ASPM: variants seen among roughly 807,000 people sequenced by gnomAD.
ASPM encodes the protein assembly factor for spindle microtubules.
ASPM carries 256 observed loss-of-function variants against 366.4 expected under a neutral mutation model. That is an observed-to-expected ratio of 0.70 (90% confidence interval 0.63 to 0.77). ASPM has a LOEUF of 0.77. ASPM is among the 30% of genes least tolerant of loss of function. The pLI is 0.00. For missense variants in ASPM, 4,146 were observed against 4,090.4 expected, an observed-to-expected ratio of 1.01 and a Z score of -0.37; for synonymous variants, 1,414 against 1,342.9, an observed-to-expected ratio of 1.05 and a Z score of -1.16.
chr1:197,091,895 G>A lies in ASPM; in HGVS notation c.9444+12C>T. On this transcript the variant is annotated intron_variant, in intron 22 of 27. Transcript: ENST00000367409. ...TTATATCATATAGTTTTACTGCAAA[G>A]AAGAAGCAAACCTGAATACAGATGA... The A allele has an allele frequency of 6.2e-7, 1 of 1,608,548 alleles. No homozygotes were observed. The highest frequency in any genetic ancestry group is 8.5e-7 in the Non-Finnish European group (1 of 1,177,602).
intron 16 of ASPM, among the ~76,000 whole-genome samples, chr1:197,121,702 G>T (rs1657908599): frequency 6.6e-6 from 1 of 152,162 alleles, no homozygotes; most frequent in Non-Finnish European, 1.5e-5. Context: ...AGGTGAAGGG[G>T]TGGACAGACT....
intron 26 of ASPM, 78 bp from the exon 27 acceptor site, chr1:197,087,050 A>G: frequency 7.5e-7 from 1 of 1,336,248 alleles, no homozygotes; most frequent in South Asian, 1.3e-5. Flanking sequence ...AAAATCAAAT[A>G]TAATAAAAAC....
chr1:197,142,280 AAGTATCCCCTTTACAGGT>A (rs757264176), intron 3 of ASPM, 33 bp downstream of exon 3: 6 of 1,577,568 alleles, frequency 3.8e-6, no homozygotes, highest in Non-Finnish European at 5.2e-6. Context: ...AACCAAAAGG[AAGTATCCCCTTTACAGGT>A]ATACTTCAGT....
chr1:197,127,187 G>A (rs768746757), intron 10 of ASPM, among the ~76,000 whole-genome samples: 3 of 152,160 alleles, frequency 2.0e-5, no homozygotes, highest in Non-Finnish European at 2.9e-5. Context: ...ATCTCTAGTC[G>A]AAACAAAGAA....
At chr1:197,099,528 T>C (rs1360635566) in intron 18 of ASPM, among the ~76,000 whole-genome samples, 1 of 151,710 alleles carries the variant, frequency 6.6e-6, no homozygotes, top group East Asian at 1.9e-4. Flanking sequence ...TCTCTGACCA[T>C]GGAGACTAGC....
intron 17 of ASPM, among the ~76,000 whole-genome samples, chr1:197,117,123 C>A (rs1222621700): frequency 6.6e-6 from 1 of 152,018 alleles, no homozygotes; most frequent in Non-Finnish European, 1.5e-5. Context: ...AGAGAACCCT[C>A]ATTTATCAAT....
In ASPM at chr1:197,135,127, A is replaced by G; in HGVS notation, c.2142T>C (p.Asp714=). ...AAATATTTGTTTTTACAGTGAAGTCATCAGGGGTTAATATAAAATTTAACC... is the reference window on the plus strand; with the variant it reads ...AAATATTTGTTTTTACAGTGAAGTCGTCAGGGGTTAATATAAAATTTAACC... The part of the protein sequence containing the change: ...TWWLNFILTP[D]DFTVKTNISE... Residue 714 remains aspartate (D), a synonymous_variant, in exon 5 of 28, where the codon GAT becomes GAC. Coordinates refer to ENST00000367409, the MANE Select transcript of ASPM (RefSeq NM_018136.5). 6.2e-7 allele frequency: 1 copy of G among 1,605,994 alleles called. No homozygotes were observed.
chr1:197,101,732 A>G lies in ASPM; in HGVS notation c.7519T>C (p.Ser2507Pro). Reference sequence around the variant, plus strand: ...CGATAATGTTGCTGAATTAGAATTGAAGCATGTTTCCAAGTCTGAAATGTA... The same window carrying G: ...CGATAATGTTGCTGAATTAGAATTGGAGCATGTTTCCAAGTCTGAAATGTA... ...YITFQTWKHASILIQQHYRTY... is the reference protein window; with the variant it reads ...YITFQTWKHAPILIQQHYRTY... Residue 2507 changes from serine (S) to proline (P), a missense_variant, in exon 18 of 28, where the codon TCA (serine) becomes CCA (proline). Physicochemically the swap from Ser to Pro is moderately conservative, Grantham distance 74. Transcript: ENST00000367409. 1 of 1,612,094 alleles carries G rather than the reference A, an allele frequency of 6.2e-7. No homozygotes were observed. The highest frequency in any genetic ancestry group is 8.5e-7 in the Non-Finnish European group (1 of 1,178,950).
chr1:197,124,241 A>G lies in ASPM; in HGVS notation c.3259T>C (p.Ser1087Pro), dbSNP rs768548104. 4 of 1,608,744 alleles carry G rather than the reference A, an allele frequency of 2.5e-6. No homozygotes were observed. The highest frequency in any genetic ancestry group is 2.6e-6 in the Non-Finnish European group (3 of 1,175,588). Residue 1087 changes from serine (S) to proline (P), a missense_variant, in exon 13 of 28, where the codon TCA (serine) becomes CCA (proline). Ser to Pro is a moderately conservative substitution (Grantham distance 74, BLOSUM62 -1). This residue lies in a region of ASPM where 3,624 missense variants were observed against 3,591.7 expected (regional missense o/e 1.01). Coordinates refer to ENST00000367409, the MANE Select transcript of ASPM (RefSeq NM_018136.5). Reference sequence around the variant, plus strand: ...TTAATAAGATCATCAGAATGGCATGATAGTAGAGATATTGTTTTCTTTATA... The same window carrying G: ...TTAATAAGATCATCAGAATGGCATGGTAGTAGAGATATTGTTTTCTTTATA... ...KSIKKTISLL[S>P]CHSDDLINKK...
At chr1:197,120,695 C>G (rs771945132) in intron 16 of ASPM, among the ~76,000 whole-genome samples, 7 of 152,216 alleles carry the variant, frequency 4.6e-5, no homozygotes, top group Non-Finnish European at 1.0e-4. Flanking sequence ...CTTTTCTGAA[C>G]TCTTCCAATT....
intron 10 of ASPM, among the ~76,000 whole-genome samples, chr1:197,128,026 G>A (rs1281035146): frequency 5.3e-5 from 8 of 151,918 alleles, no homozygotes; most frequent in Admixed American, 1.3e-4. Context: ...TTAGCTGGGC[G>A]TGGTGGTGGG....
chr1:197,099,217 C>A (rs1334561045), intron 18 of ASPM, among the ~76,000 whole-genome samples: 1 of 151,208 alleles, frequency 6.6e-6, no homozygotes, highest in Non-Finnish European at 1.5e-5. Context: ...CACATTCCTG[C>A]CAGAGTAATT....
intron 21 of ASPM, 39 bp downstream of exon 21, chr1:197,093,013 A>G: frequency 6.5e-7 from 1 of 1,528,900 alleles, no homozygotes; most frequent in East Asian, 2.3e-5. Flanking sequence ...AAGTGCTTTC[A>G]TTTTATAAGA....
rs549609258 is a variant in ASPM at position 197,130,556 on chromosome 1, A to G, written c.2488-500T>C. On this transcript the variant is annotated intron_variant, in intron 7 of 27. Transcript: ENST00000367409. ...TAGTTTAACATTAGCATGCTTATTAATAATTTTTAAAGCAATTAGGAAAAA... is the reference window on the plus strand; with the variant it reads ...TAGTTTAACATTAGCATGCTTATTAGTAATTTTTAAAGCAATTAGGAAAAA... Among the ~76,000 whole-genome samples the G allele has an allele frequency of 3.3e-5, 5 of 152,336 alleles. No individual in the cohort carries two copies. The East Asian group carries it at 9.6e-4, about 29-fold the overall frequency.
Position 197,101,996 on chromosome 1 carries a change from T to C in ASPM, c.7255A>G (p.Arg2419Gly). The change falls in exon 18 of 28, where the codon AGA (arginine) becomes GGA (glycine). Residue 2419 changes from arginine (R) to glycine (G), a missense_variant. By Grantham distance (125) the Arg-to-Gly change is moderately radical. Coordinates refer to ENST00000367409, the MANE Select transcript of ASPM (RefSeq NM_018136.5). ...SSATLIQSRF[R>G]SLLVRRRFIS... is the part of the protein sequence containing the mutation. ...AATCTTCTCCTCACCAGTAATGATCTAAACCTACTCTGAATAAGGGTTGCA... is the reference window on the plus strand; with the variant it reads ...AATCTTCTCCTCACCAGTAATGATCCAAACCTACTCTGAATAAGGGTTGCA... 6.2e-7 allele frequency: 1 copy of C among 1,612,926 alleles called. No individual in the cohort carries two copies. Among genetic ancestry groups the C allele is most frequent in the Non-Finnish European group, 8.5e-7 (1 of 1,179,302 alleles).
intron 13 of ASPM, among the ~76,000 whole-genome samples, 196 bp downstream of exon 13, chr1:197,123,914 T>C (rs1370534404): frequency 6.6e-6 from 1 of 152,146 alleles, no homozygotes; most frequent in East Asian, 1.9e-4. Flanking sequence ...CTTGATAAAA[T>C]TATCATGTAT....
chr1:197,105,082 T>C lies in ASPM; in HGVS notation c.4169A>G (p.Tyr1390Cys). 1 of 1,610,434 alleles carries C rather than the reference T, an allele frequency of 6.2e-7. No homozygotes were observed. Among genetic ancestry groups the C allele is most frequent in the Non-Finnish European group, 8.5e-7 (1 of 1,177,552 alleles). Residue 1390 changes from tyrosine to cysteine, a missense_variant, in exon 18 of 28, where the codon TAT becomes TGT. Tyr to Cys is a radical substitution (Grantham distance 194). Around this residue, in one of 3 missense-constraint regions of ASPM, gnomAD observed 3,624 missense variants for 3,591.7 expected, o/e 1.01. Coordinates refer to ENST00000367409, the MANE Select transcript of ASPM (RefSeq NM_018136.5). ...AACTGTAGCCCAAAGATATCGTTTA[T>C]AAGATGTAACAGCAATTATCATTCT... Reference protein sequence around the residue: ...RIRMIIAVTSYKRYLWATVTI... With the variant: ...RIRMIIAVTSCKRYLWATVTI...
At chr1:197,121,601 G>A (rs916557329) in intron 16 of ASPM, among the ~76,000 whole-genome samples, 3 of 152,096 alleles carry the variant, frequency 2.0e-5, no homozygotes, top group Non-Finnish European at 4.4e-5. Flanking sequence ...ATTCCAACAG[G>A]AGGAAAGGAA....
In ASPM at chr1:197,102,539, T is replaced by G. The variant is rs372467101; in HGVS notation, c.6712A>C (p.Lys2238Gln). 132 of 1,612,468 alleles carry G rather than the reference T, an allele frequency of 8.2e-5. No individual in the cohort carries two copies. Among genetic ancestry groups the G allele is most frequent in the Middle Eastern group, 1.6e-4 (1 of 6,072 alleles). ...ATGTATATTACAGAATGCCTCAGTT[T>G]GTTATACCTTTGAAATTGTATGTTT... is the stretch of plus-strand genomic sequence containing the variant. ...ERNIQFQRYN[K>Q]LRHSVIYIQA... The change falls in exon 18 of 28, where the codon AAA becomes CAA. Residue 2238 changes from lysine to glutamine, a missense_variant. This residue lies in a region of ASPM where 3,624 missense variants were observed against 3,591.7 expected (regional missense o/e 1.01). Coordinates refer to ENST00000367409, the MANE Select transcript of ASPM (RefSeq NM_018136.5).
Sources: gnomAD v4.1 joint callset for allele counts (sites outside exome capture counted in the v4.1 genomes callset) on GRCh38, gnomAD v4.1.1 for gene constraint, gnomAD v4.1.1 regional missense constraint, MANE v1.5 for transcripts, NCBI Gene and HGNC (gene_info 2026-07-23, HGNC 2026-07-21) for gene names.